Variants in ASTN1 observed in about 807,000 individuals in gnomAD.
ASTN1 encodes astrotactin 1, also known as astrotactin-1.
ASTN1 carries 41 observed loss-of-function variants against 140.7 expected under a neutral mutation model. That is an observed-to-expected ratio of 0.29 (90% CI 0.23 to 0.38). The LOEUF (loss-of-function observed/expected upper bound fraction) is 0.38, where lower values mean the gene tolerates loss of function less well. ASTN1 is among the 10% of genes least tolerant of loss of function. The pLI is 1.00. For synonymous variants in ASTN1, 640 were observed against 652.2 expected, an observed-to-expected ratio of 0.98 and a Z score of 0.29; for missense variants, 1,479 against 1,678.8, an observed-to-expected ratio of 0.88 and a Z score of 2.08.
intron 13 of ASTN1, 149 bp from the exon 14 acceptor site, chr1:176,944,167 T>G: frequency 1.9e-6 from 2 of 1,071,900 alleles, no homozygotes; most frequent in Middle Eastern, 3.1e-4. Flanking sequence ...AACCTCTGCC[T>G]CCAGGGTTCA....
intron 1 of ASTN1, among the ~76,000 whole-genome samples, chr1:177,127,453 G>A (rs1240606636): frequency 7.9e-5 from 12 of 152,058 alleles, no homozygotes; most frequent in Admixed American, 7.2e-4. Context: ...TTCCACCCAT[G>A]CCCATGCCTT....
At chr1:176,865,704 A>C (rs1358266707) in intron 22 of ASTN1, among the ~76,000 whole-genome samples, 12 of 152,196 alleles carry the variant, frequency 7.9e-5, no homozygotes, top group African/African-American at 2.9e-4. Flanking sequence ...AGTTCCATCA[A>C]CAATTTGTAT....
At chr1:176,993,641 C>CT (rs1275156196) in intron 8 of ASTN1, among the ~76,000 whole-genome samples, 2 of 152,174 alleles carry the variant, frequency 1.3e-5, no homozygotes, top group Non-Finnish European at 2.9e-5. Context: ...AGTGGAGACT[C>CT]TATTAGCTTG....
At chr1:177,155,129 T>C (rs1683186874) in intron 1 of ASTN1, among the ~76,000 whole-genome samples, 1 of 152,184 alleles carries the variant, frequency 6.6e-6, no homozygotes, top group South Asian at 2.1e-4. Context: ...CATACTTTAT[T>C]ACAACTATAT....
At chr1:177,041,416 G>C (rs553357470) in intron 2 of ASTN1, among the ~76,000 whole-genome samples, 1 of 152,192 alleles carries the variant, frequency 6.6e-6, no homozygotes, top group Non-Finnish European at 1.5e-5. Context: ...AAGATAAAAG[G>C]GTCCACAAGG....
intron 20 of ASTN1, among the ~76,000 whole-genome samples, chr1:176,882,055 C>T (rs1157874710): frequency 1.3e-5 from 2 of 152,214 alleles, no homozygotes; most frequent in Non-Finnish European, 2.9e-5. Flanking sequence ...CATTATCTCT[C>T]CTTTTCTGGC....
intron 11 of ASTN1, among the ~76,000 whole-genome samples, chr1:176,951,838 A>T (rs1230784802): frequency 2.0e-5 from 3 of 152,240 alleles, no homozygotes; most frequent in African/African-American, 7.2e-5. Flanking sequence ...AATAGTATTA[A>T]TAGCTATCAG....
At chr1:177,054,671 G>C (rs1195231110) in intron 2 of ASTN1, among the ~76,000 whole-genome samples, 4 of 152,208 alleles carry the variant, frequency 2.6e-5, no homozygotes, top group Non-Finnish European at 4.4e-5. Flanking sequence ...GAATAAGGGA[G>C]GAAGGCAGGA....
chr1:176,971,189 G>T (rs1673125805), intron 8 of ASTN1, among the ~76,000 whole-genome samples: 6 of 152,310 alleles, frequency 3.9e-5, no homozygotes, highest in Middle Eastern at 6.8e-3. Context: ...AAGGCAGTTT[G>T]CAATATATAC....
At chr1:176,938,170 A>G (rs1399467565) in intron 14 of ASTN1, among the ~76,000 whole-genome samples, 2 of 152,220 alleles carry the variant, frequency 1.3e-5, no homozygotes, top group South Asian at 4.1e-4. Context: ...TCATACTATT[A>G]CATACTTTGG....
chr1:177,058,779 G>T (rs529671241), intron 2 of ASTN1, among the ~76,000 whole-genome samples: 2 of 151,838 alleles, frequency 1.3e-5, no homozygotes, highest in African/African-American at 4.8e-5. Context: ...AGATTTTGGT[G>T]CTCCCATCCC....
At chr1:177,036,460 C>T (rs1488500608) in intron 2 of ASTN1, among the ~76,000 whole-genome samples, 1 of 152,170 alleles carries the variant, frequency 6.6e-6, no homozygotes, top group Non-Finnish European at 1.5e-5. Context: ...TATGGGTTCT[C>T]TGCTTCTGTA....
chr1:177,079,485 A>G (rs1320290294), intron 1 of ASTN1, among the ~76,000 whole-genome samples: 4 of 152,188 alleles, frequency 2.6e-5, no homozygotes, highest in Admixed American at 2.0e-4. Flanking sequence ...CCAACTTAAA[A>G]AATATATTTA....
intron 16 of ASTN1, among the ~76,000 whole-genome samples, chr1:176,931,221 C>A (rs1343159686): frequency 2.0e-5 from 3 of 152,108 alleles, no homozygotes; most frequent in Non-Finnish European, 4.4e-5. Context: ...AATCCCAGCA[C>A]TTTGGGAGGC....
chr1:177,050,370 G>A (rs921023163), intron 2 of ASTN1, among the ~76,000 whole-genome samples: 2 of 152,122 alleles, frequency 1.3e-5, no homozygotes, highest in Non-Finnish European at 2.9e-5. Flanking sequence ...AGCCCAGCAG[G>A]CCCCAGATAC....
At chr1:177,023,598 C>G in intron 6 of ASTN1, 27 bp from the exon 7 acceptor site, 1 of 1,549,120 alleles carries the variant, frequency 6.5e-7, no homozygotes, top group South Asian at 1.2e-5. Flanking sequence ...AGGAAGCATG[C>G]CTATATGTGC....
chr1:177,003,918 C>G (rs1399835267), intron 8 of ASTN1, among the ~76,000 whole-genome samples: 1 of 151,964 alleles, frequency 6.6e-6, no homozygotes, highest in African/African-American at 2.4e-5. Flanking sequence ...TGGAACAAGA[C>G]AAGTATTCCC....
intron 17 of ASTN1, 138 bp downstream of exon 17, chr1:176,894,424 C>A (rs1188809402): frequency 5.2e-6 from 6 of 1,164,436 alleles, no homozygotes; most frequent in African/African-American, 3.1e-5. Flanking sequence ...ATTAGGTGCC[C>A]AGATTAGCTA....
chr1:177,069,467 C>G (rs1678528334), intron 1 of ASTN1, among the ~76,000 whole-genome samples: 1 of 152,012 alleles, frequency 6.6e-6, no homozygotes. Context: ...CTGGAGAGTC[C>G]ATAGTTTGTT....
Sources: allele counts gnomAD v4.1 joint callset (sites outside exome capture counted in the v4.1 genomes callset), GRCh38; gene constraint gnomAD v4.1.1; transcripts MANE v1.5; gene names NCBI Gene and HGNC (gene_info 2026-07-23, HGNC 2026-07-21).